Variants in KIF2C observed in about 807,000 individuals in gnomAD.
The protein encoded by KIF2C is kinesin family member 2C, also known as kinesin-like protein KIF2C.
In KIF2C, 34 loss-of-function variants were observed where a neutral mutation model predicts 97.4. The observed-to-expected ratio is 0.35, with a 90% CI of 0.27 to 0.46. The LOEUF (loss-of-function observed/expected upper bound fraction) is 0.46, where lower values mean the gene tolerates loss of function less well. Ranked by LOEUF, KIF2C falls within the 20% of genes least tolerant of loss-of-function variation. The pLI is 1.00. For missense variants in KIF2C, 750 were observed against 907.6 expected (o/e 0.83, Z 2.23); for synonymous variants, 313 against 318.2 (o/e 0.98, Z 0.17).
chr1:44,749,358 CG>C (rs879397036), intron 4 of KIF2C, among the ~76,000 whole-genome samples: 11 of 151,810 alleles, frequency 7.2e-5, no homozygotes, highest in Admixed American at 6.6e-4. Flanking sequence ...CGTTTGAGCC[CG>C]GGGGGGCAGA....
In KIF2C at chr1:44,767,537, G is replaced by T; in HGVS notation, c.*358G>T. On this transcript the variant is annotated 3_prime_UTR_variant, in exon 21 of 21. Coordinates refer to ENST00000372224, the MANE Select transcript of KIF2C (RefSeq NM_006845.4). ...GCTCCCTGGGGTTGTCCTGGCTCTG[G>T]GGAGAGAGACGGAGCCTTTAGTACA... 4.3e-6 allele frequency: 1 copy of T among 234,178 alleles called. No individual in the cohort carries two copies. The highest frequency in any genetic ancestry group is 8.6e-6 in the Non-Finnish European group (1 of 116,144). 14.5% of individuals were successfully genotyped at this position (234,178 alleles called of 1,614,324 possible).
At chr1:44,740,570 A>G (rs2148818996) in intron 1 of KIF2C, among the ~76,000 whole-genome samples, 1 of 152,294 alleles carries the variant, frequency 6.6e-6, no homozygotes, top group East Asian at 1.9e-4. Context: ...ATGTTGAGGA[A>G]AAGTTCATCT....
Position 44,745,887 on chromosome 1 carries a change from T to C in KIF2C, c.166-1497T>C, listed in dbSNP as rs535152773. Among the ~76,000 whole-genome samples the C allele has an allele frequency of 8.8e-4, 133 of 151,974 alleles. 1 individual carries two copies. The highest frequency in any genetic ancestry group is 1.6e-3 in the Non-Finnish European group (109 of 67,966). On this transcript the variant is annotated intron_variant, in intron 2 of 20. Transcript: ENST00000372224. ...TGCAGATTTCTTTTTTCTTTTTCTT[T>C]TTTTTTTGAGACGGAGTCTCGCTGT... is the stretch of plus-strand genomic sequence containing the variant.
intron 13 of KIF2C, among the ~76,000 whole-genome samples, chr1:44,758,693 G>A (rs1649972830): frequency 6.6e-6 from 1 of 152,076 alleles, no homozygotes; most frequent in Non-Finnish European, 1.5e-5. Context: ...TGGCTAACAT[G>A]GTGAAACCCC....
Position 44,760,146 on chromosome 1 carries a change from A to G in KIF2C, c.1368-134A>G. ...AGAATTGCTACCCAGGGAGGGCAAG[A>G]TGGAAGCCTGGGACAGGAAAACAGG... On this transcript the variant is annotated intron_variant, in intron 14 of 20. Coordinates refer to ENST00000372224, the MANE Select transcript of KIF2C (RefSeq NM_006845.4). The surrounding 1 kb of genome is among the most constrained non-coding windows in gnomAD (Gnocchi z 4.2). 1 of 725,812 alleles carries G rather than the reference A, an allele frequency of 1.4e-6. No homozygotes were observed. Among genetic ancestry groups the G allele is most frequent in the Non-Finnish European group, 2.3e-6 (1 of 434,814 alleles). 45.0% of individuals were successfully genotyped at this position (725,812 alleles called of 1,614,324 possible). A position where few individuals can be genotyped will look rare whatever the true frequency, so the allele number is the denominator to read the frequency against.
chr1:44,751,455 C>T (rs1191972396), intron 5 of KIF2C, among the ~76,000 whole-genome samples: 1 of 150,844 alleles, frequency 6.6e-6, no homozygotes, highest in Non-Finnish European at 1.5e-5. Context: ...CTCGGCTTCC[C>T]AAAGTTCTGG....
chr1:44,756,546 T>C (rs1297332285), intron 10 of KIF2C, among the ~76,000 whole-genome samples: 14 of 62,822 alleles, frequency 2.2e-4, no homozygotes, highest in East Asian at 1.1e-3. Context: ...TCTATCTGCT[T>C]TTTTTTTTTT....
At chr1:44,747,307 CAA>C (rs34903658) in intron 2 of KIF2C, 75 bp from the exon 3 acceptor site, 16,582 of 937,890 alleles carry the variant, frequency 0.018, no homozygotes, top group Admixed American at 0.027. Flanking sequence ...TACTCTGTCT[CAA>C]AAAAAAAAAA....
In KIF2C at chr1:44,767,392, C is replaced by T. The variant is rs375333448; in HGVS notation, c.*213C>T. ...TTCTGTTCCTCAGTTGTCGCCCTCA[C>T]GAGAGGAAGGAGCTCTTAGTTACCC... On this transcript the variant is annotated 3_prime_UTR_variant, in exon 21 of 21. Transcript: ENST00000372224. 9 of 495,376 alleles carry T rather than the reference C, an allele frequency of 1.8e-5. No homozygotes were observed. The highest frequency in any genetic ancestry group is 3.0e-5 in the Non-Finnish European group (8 of 270,218). The allele number at this position is 495,376 out of a possible 1,614,324, so 30.7% of individuals were successfully genotyped here.
At chr1:44,742,023 T>C (rs1455018912) in intron 2 of KIF2C, among the ~76,000 whole-genome samples, 2 of 124,240 alleles carry the variant, frequency 1.6e-5, no homozygotes, top group Non-Finnish European at 3.4e-5. Context: ...AAAAAAAGAA[T>C]GGTCCCCTTC....
At position 44,762,623 on chromosome 1, in the gene KIF2C, G is replaced by A. The variant is rs757454447; in HGVS notation, c.1936G>A (p.Glu646Lys). The A allele has an allele frequency of 3.7e-6, 6 of 1,614,110 alleles. No homozygotes were observed. Among genetic ancestry groups the A allele is most frequent in the Non-Finnish European group, 5.1e-6 (6 of 1,179,972 alleles). Residue 646 changes from glutamate (E) to lysine (K), a missense_variant, in exon 19 of 21, where the codon GAG (glutamate) becomes AAG (lysine). Transcript: ENST00000372224. ...CATGACTCAGATCAGGGAGCTGGAG[G>A]AGAAGGCTATGGAAGAGCTCAAGGA... Reference protein sequence around the residue: ...EAMTQIRELEEKAMEELKEII... With the variant: ...EAMTQIRELEKKAMEELKEII...
chr1:44,741,120 C>A (rs1462512136), intron 2 of KIF2C, 113 bp downstream of exon 2: 5 of 755,708 alleles, frequency 6.6e-6, no homozygotes, highest in African/African-American at 5.3e-5. Context: ...TTCTCACTCA[C>A]GCCTGTAATC....
chr1:44,744,855 G>A (rs140882369), intron 2 of KIF2C, among the ~76,000 whole-genome samples: 63 of 150,788 alleles, frequency 4.2e-4, no homozygotes, highest in African/African-American at 1.3e-3. Flanking sequence ...AGCTGAGATC[G>A]CGCCATTGCA....
In KIF2C at chr1:44,757,646, T is replaced by C. The variant is rs1649913655; in HGVS notation, c.1068T>C (p.His356=). 6 of 1,605,040 alleles carry C rather than the reference T, an allele frequency of 3.7e-6. 1 individual carries two copies. Among genetic ancestry groups the C allele is most frequent in the Admixed American group, 1.7e-5 (1 of 59,978 alleles). The change falls in exon 11 of 21, where the codon CAT becomes CAC. Residue 356 remains histidine, a splice_region_variant and synonymous_variant. Transcript: ENST00000372224. ...GCCAGACAGGAAGTGGCAAGACACATGTGAGTATTGAGGCCTGGCGGGGAA... is the reference window on the plus strand; with the variant it reads ...GCCAGACAGGAAGTGGCAAGACACACGTGAGTATTGAGGCCTGGCGGGGAA... The part of the protein sequence containing the change: ...AYGQTGSGKT[H]TMGGDLSGKA...
Position 44,762,337 on chromosome 1 carries a change from T to A in KIF2C, c.1752-9T>A, listed in dbSNP as rs1461613253. ...TGCTGTGGGATCTGAGACCTCCTTGTTTCCTCAGGGTCAAGGAGCTGAGCC... is the reference window on the plus strand; with the variant it reads ...TGCTGTGGGATCTGAGACCTCCTTGATTCCTCAGGGTCAAGGAGCTGAGCC... On this transcript the variant is annotated splice_polypyrimidine_tract_variant and intron_variant, in intron 17 of 20. Transcript: ENST00000372224. The A allele has an allele frequency of 2.5e-6, 4 of 1,608,854 alleles. No individual in the cohort carries two copies. Among genetic ancestry groups the A allele is most frequent in the Non-Finnish European group, 3.4e-6 (4 of 1,175,232 alleles).
intron 2 of KIF2C, among the ~76,000 whole-genome samples, chr1:44,741,578 G>A (rs1573546958): frequency 6.6e-6 from 1 of 151,872 alleles, no homozygotes; most frequent in Non-Finnish European, 1.5e-5. Context: ...CCAGCTACTC[G>A]GGAAGCTGAG....
At chr1:44,765,773 C>A (rs916386701) in intron 19 of KIF2C, among the ~76,000 whole-genome samples, 4 of 151,714 alleles carry the variant, frequency 2.6e-5, no homozygotes, top group Non-Finnish European at 5.9e-5. Flanking sequence ...ATCATTTGAC[C>A]GGGCGTGATG....
Position 44,753,228 on chromosome 1 carries a change from G to A in KIF2C, c.536G>A (p.Ser179Asn), listed in dbSNP as rs762106127. Reference sequence around the variant, plus strand: ...GAGCAAGTCCATTCCATCCGAGGCAGCTCTTCTGCAAACCCTGTGAACTCA... The same window carrying A: ...GAGCAAGTCCATTCCATCCGAGGCAACTCTTCTGCAAACCCTGTGAACTCA... ...MEEQVHSIRG[S>N]SSANPVNSVR... The change falls in exon 6 of 21, where the codon AGC (serine) becomes AAC (asparagine). Residue 179 changes from serine to asparagine, a missense_variant. Transcript: ENST00000372224. 7.4e-6 allele frequency: 12 copies of A among 1,613,538 alleles called. No homozygotes were observed. The Admixed American group carries it at 2.0e-4, about 27-fold the overall frequency.
chr1:44,762,028 A>T (rs1185301088), intron 17 of KIF2C, 45 bp downstream of exon 17: 3 of 1,552,210 alleles, frequency 1.9e-6, no homozygotes, highest in Non-Finnish European at 2.7e-6. Context: ...AGGACTGGGC[A>T]AGGGAAGGGC....
Sources: allele counts gnomAD v4.1 joint callset (sites outside exome capture counted in the v4.1 genomes callset), GRCh38; gene constraint gnomAD v4.1.1; non-coding constraint Gnocchi (gnomAD v3.1); transcripts MANE v1.5; gene names NCBI Gene and HGNC (gene_info 2026-07-23, HGNC 2026-07-21).